Variants in NAV2 observed in about 807,000 individuals in gnomAD.
NAV2 encodes the protein helicase, APC down-regulated 1.
In NAV2, 54 loss-of-function variants were observed where a neutral mutation model predicts 223.2. That is an observed-to-expected ratio of 0.24 (90% CI 0.19 to 0.30). NAV2 has a LOEUF of 0.30. NAV2 is among the 10% of genes least tolerant of loss of function. The pLI, the probability that NAV2 is intolerant of heterozygous loss-of-function variation, is 1.00. For synonymous variants in NAV2, 1,279 were observed against 1,239.3 expected (o/e 1.03, Z -0.67); for missense variants, 2,806 against 3,147.5 (o/e 0.89, Z 2.60).
Position 19,998,162 on chromosome 11 carries a change from T to C in NAV2, c.2768+13915T>C, listed in dbSNP as rs1453779600. Among the ~76,000 whole-genome samples, 1 of 152,160 alleles carries C rather than the reference T, an allele frequency of 6.6e-6. No individual in the cohort carries two copies. Among genetic ancestry groups the C allele is most frequent in the Non-Finnish European group, 1.5e-5 (1 of 68,022 alleles). On this transcript the variant is annotated intron_variant, in intron 11 of 37. Coordinates refer to ENST00000349880, the MANE Select transcript of NAV2 (RefSeq NM_145117.5). This position sits in a 1 kb window ranked among gnomAD's most constrained non-coding sequence, Gnocchi z 5.0. ...ATTATCCTAAGATAATTGATAAGAC[T>C]GACTGAAGAGTTTTCCTCCCCCTTT...
chr11:19,447,350 C>G (rs964838966), intron 1 of NAV2, among the ~76,000 whole-genome samples: 1 of 152,178 alleles, frequency 6.6e-6, no homozygotes, highest in African/African-American at 2.4e-5. Flanking sequence ...CAAAGCATTT[C>G]CACTCACCCT....
At chr11:19,699,905 C>T (rs1432625216) in intron 1 of NAV2, among the ~76,000 whole-genome samples, 2 of 152,156 alleles carry the variant, frequency 1.3e-5, no homozygotes, top group East Asian at 1.9e-4. Context: ...GATGCCCCAG[C>T]TCTGCACATA....
upstream of NAV2, chr11:19,712,099 G>C (rs912074131): frequency 2.6e-5 from 4 of 152,226 alleles, no homozygotes; most frequent in Admixed American, 2.0e-4. Flanking sequence ...GTTGGGGCCA[G>C]TGCGTCCCAG....
At chr11:19,555,659 C>T (rs1020331056) in intron 1 of NAV2, among the ~76,000 whole-genome samples, 6 of 152,228 alleles carry the variant, frequency 3.9e-5, no homozygotes, top group African/African-American at 1.2e-4. Flanking sequence ...ACTAAAGGTT[C>T]GGGGACTCTA....
At chr11:19,776,902 C>T (rs1007942457) in intron 1 of NAV2, among the ~76,000 whole-genome samples, 4 of 151,990 alleles carry the variant, frequency 2.6e-5, no homozygotes, top group Non-Finnish European at 4.4e-5. Context: ...TCACCCCTAC[C>T]CATCTTCTGC....
At chr11:19,540,482 A>G (rs1159321533) in intron 1 of NAV2, among the ~76,000 whole-genome samples, 1 of 152,202 alleles carries the variant, frequency 6.6e-6, no homozygotes, top group African/African-American at 2.4e-5. Flanking sequence ...AATCATTCCC[A>G]TTCCCATTAA....
chr11:19,949,207 T>G, intron 10 of NAV2, 127 bp downstream of exon 10: 1 of 1,038,600 alleles, frequency 9.6e-7, no homozygotes, highest in Non-Finnish European at 1.4e-6. Flanking sequence ...CTGCTGTCCA[T>G]ATCAAAGGCT....
At chr11:19,681,822 A>G (rs7113050) in intron 1 of NAV2, among the ~76,000 whole-genome samples, 24,713 of 152,172 alleles carry the variant, frequency 0.16, 4,479 homozygotes, top group African/African-American at 0.44. Context: ...AGACCTGTGG[A>G]CACATCTGAA....
chr11:19,420,682 C>G (rs1221685768), intron 1 of NAV2, among the ~76,000 whole-genome samples: 2 of 152,104 alleles, frequency 1.3e-5, no homozygotes, highest in Non-Finnish European at 2.9e-5. Context: ...TATAAAGTTC[C>G]AAATAGGCAA....
intron 1 of NAV2, among the ~76,000 whole-genome samples, chr11:19,648,342 T>C (rs2047874437): frequency 6.6e-6 from 1 of 152,234 alleles, no homozygotes; most frequent in Non-Finnish European, 1.5e-5. Flanking sequence ...AGTGGTGCCA[T>C]GGCAGTAACT....
At chr11:19,513,542 C>G (rs1362374034) in intron 1 of NAV2, among the ~76,000 whole-genome samples, 1 of 152,026 alleles carries the variant, frequency 6.6e-6, no homozygotes, top group Non-Finnish European at 1.5e-5. Context: ...AGTCATGGGC[C>G]CTGTCCCCAT....
intron 1 of NAV2, among the ~76,000 whole-genome samples, chr11:19,788,657 C>T (rs2057310853): frequency 6.6e-6 from 1 of 152,090 alleles, no homozygotes; most frequent in Non-Finnish European, 1.5e-5. Context: ...TCAGTCTGCT[C>T]CCTTCCCTCT....
intron 1 of NAV2, among the ~76,000 whole-genome samples, chr11:19,458,781 C>A (rs1000695393): frequency 6.6e-6 from 1 of 152,222 alleles, no homozygotes; most frequent in African/African-American, 2.4e-5. Flanking sequence ...ATGGGGTGCC[C>A]CTTGGCCCCT....
intron 8 of NAV2, among the ~76,000 whole-genome samples, chr11:19,940,346 T>A (rs2046308341): frequency 6.6e-6 from 1 of 152,238 alleles, no homozygotes. Flanking sequence ...CCACAGTCGT[T>A]GTATAGTTAA....
At chr11:19,602,759 C>G (rs2046381525) in intron 1 of NAV2, among the ~76,000 whole-genome samples, 1 of 152,174 alleles carries the variant, frequency 6.6e-6, no homozygotes, top group Non-Finnish European at 1.5e-5. Flanking sequence ...TCCTCTGTAT[C>G]TTCTCCCCTT....
chr11:19,358,851 A>C (rs1484766662), intron 1 of NAV2, among the ~76,000 whole-genome samples: 2 of 152,220 alleles, frequency 1.3e-5, no homozygotes, highest in Non-Finnish European at 2.9e-5. Flanking sequence ...ATCCTTAATG[A>C]TGTGAGAAAA....
intron 1 of NAV2, among the ~76,000 whole-genome samples, chr11:19,359,316 A>G (rs1400765012): frequency 1.3e-5 from 2 of 152,168 alleles, no homozygotes; most frequent in Non-Finnish European, 2.9e-5. Flanking sequence ...TTGTGAATCT[A>G]TTATCCCTGT....
At chr11:19,899,835 G>T (rs2042295197) in intron 6 of NAV2, among the ~76,000 whole-genome samples, 1 of 152,188 alleles carries the variant, frequency 6.6e-6, no homozygotes, top group African/African-American at 2.4e-5. Context: ...GTGTTAATCT[G>T]ACAGCAAATC....
intron 1 of NAV2, among the ~76,000 whole-genome samples, chr11:19,440,698 T>C (rs1851370180): frequency 6.6e-6 from 1 of 152,206 alleles, no homozygotes; most frequent in Non-Finnish European, 1.5e-5. Flanking sequence ...TCTTGTTAAC[T>C]GTTGAACCTG....
Sources: allele counts gnomAD v4.1 joint callset (sites outside exome capture counted in the v4.1 genomes callset), GRCh38; gene constraint gnomAD v4.1.1; non-coding constraint Gnocchi (gnomAD v3.1); transcripts MANE v1.5; gene names NCBI Gene and HGNC (gene_info 2026-07-23, HGNC 2026-07-21).